The following TMEM65 variants were observed in gnomAD, a reference collection of about 807,000 sequenced individuals.
TMEM65 encodes transmembrane protein 65.
TMEM65 carries 22 observed loss-of-function variants against 25.4 expected under a neutral mutation model. The ratio of observed to expected loss-of-function variants is 0.86; its 90% CI spans 0.62 to 1.23. The LOEUF is 1.23. Ranked by LOEUF, TMEM65 falls within the 50% of genes most tolerant of loss-of-function variation. The pLI is 0.00. For synonymous variants in TMEM65, 132 were observed against 126.2 expected (o/e 1.05, Z -0.31); for missense variants, 262 against 308.2 (o/e 0.85, Z 1.12).
At chr8:124,360,422 T>A (rs1814844333) in intron 1 of TMEM65, among the ~76,000 whole-genome samples, 1 of 119,518 alleles carries the variant, frequency 8.4e-6, no homozygotes, top group African/African-American at 3.5e-5. Flanking sequence ...AGAGGGAGAC[T>A]CTGTCACAAA....
chr8:124,314,467 G>A (rs1424802542), intron 6 of TMEM65, among the ~76,000 whole-genome samples: 2 of 152,106 alleles, frequency 1.3e-5, no homozygotes, highest in Non-Finnish European at 1.5e-5. Context: ...CCAATGATTT[G>A]TTTAAAAGTC....
chr8:124,315,292 T>C (rs780675863), intron 6 of TMEM65, among the ~76,000 whole-genome samples: 4 of 150,106 alleles, frequency 2.7e-5, no homozygotes, highest in Non-Finnish European at 3.0e-5. Context: ...ATACATTGTC[T>C]ATTTAGCTAT....
intron 2 of TMEM65, among the ~76,000 whole-genome samples, chr8:124,328,652 T>C (rs1814396017): frequency 6.6e-6 from 1 of 152,104 alleles, no homozygotes; most frequent in Non-Finnish European, 1.5e-5. Flanking sequence ...TTCTAATTAA[T>C]CTATAAAATT....
intron 1 of TMEM65, among the ~76,000 whole-genome samples, chr8:124,354,903 G>A (rs534766848): frequency 1.3e-5 from 2 of 152,166 alleles, no homozygotes; most frequent in African/African-American, 4.8e-5. Flanking sequence ...TTTAGGAGAG[G>A]AGAAAAAAAG....
Position 124,372,250 on chromosome 8 carries a change from G to A in TMEM65, c.-93C>T. ...AAGGAGCTGGGCTCAGCTCGACCCC[G>A]CCCCGAGGTCCTCCTGCCAGGCAGC... is the stretch of plus-strand genomic sequence containing the variant. On this transcript the variant is annotated 5_prime_UTR_variant, in exon 1 of 7. Transcript: ENST00000297632. 1 of 1,135,398 alleles carries A rather than the reference G, an allele frequency of 8.8e-7. No individual in the cohort carries two copies. The highest frequency in any genetic ancestry group is 1.1e-6 in the Non-Finnish European group (1 of 915,580). 70.3% of individuals were successfully genotyped at this position (1,135,398 alleles called of 1,614,324 possible).
intron 1 of TMEM65, 64 bp from the exon 2 acceptor site, chr8:124,330,856 A>C: frequency 7.2e-7 from 1 of 1,389,590 alleles, no homozygotes; most frequent in South Asian, 1.3e-5. Flanking sequence ...TTTTTATTAC[A>C]ATGAAGAAAA....
chr8:124,337,457 A>G (rs887289937), intron 1 of TMEM65, among the ~76,000 whole-genome samples: 1 of 152,038 alleles, frequency 6.6e-6, no homozygotes, highest in Non-Finnish European at 1.5e-5. Context: ...ACCAACATCC[A>G]AACTTCTTTA....
At chr8:124,336,466 C>T (rs1022196878) in intron 1 of TMEM65, among the ~76,000 whole-genome samples, 2 of 151,906 alleles carry the variant, frequency 1.3e-5, no homozygotes, top group South Asian at 4.1e-4. Context: ...ATCCACAAAA[C>T]ATGTTAATAA....
At chr8:124,334,763 C>CAAA (rs34202764) in intron 1 of TMEM65, among the ~76,000 whole-genome samples, 14 of 86,008 alleles carry the variant, frequency 1.6e-4, no homozygotes, top group East Asian at 3.1e-4. Flanking sequence ...GACTCCGTCT[C>CAAA]AAAAAAAAAA....
intron 6 of TMEM65, among the ~76,000 whole-genome samples, 164 bp from the exon 7 acceptor site, chr8:124,314,225 T>C (rs1296879001): frequency 6.6e-6 from 1 of 152,226 alleles, no homozygotes; most frequent in East Asian, 1.9e-4. Context: ...TATGTAGATA[T>C]AATCATTATG....
chr8:124,358,161 G>T (rs1404557307), intron 1 of TMEM65, among the ~76,000 whole-genome samples: 1 of 152,026 alleles, frequency 6.6e-6, no homozygotes, highest in African/African-American at 2.4e-5. Context: ...CTGACACACT[G>T]GTTGAAGGAT....
At chr8:124,328,965 G>A (rs538025485) in intron 2 of TMEM65, among the ~76,000 whole-genome samples, 19 of 151,690 alleles carry the variant, frequency 1.3e-4, no homozygotes, top group African/African-American at 4.3e-4. Flanking sequence ...CTAAGACCAC[G>A]GGACAATACT....
intron 1 of TMEM65, among the ~76,000 whole-genome samples, chr8:124,346,766 C>T (rs2131216523): frequency 6.6e-6 from 1 of 152,240 alleles, no homozygotes; most frequent in African/African-American, 2.4e-5. Flanking sequence ...CAACACAAAT[C>T]ACAGTCTGGC....
intron 1 of TMEM65, among the ~76,000 whole-genome samples, chr8:124,347,525 C>A (rs1227285399): frequency 2.0e-5 from 3 of 152,148 alleles, no homozygotes; most frequent in African/African-American, 4.8e-5. Context: ...AAAGCCCAGA[C>A]CTCATCACTA....
At chr8:124,339,834 A>G (rs1383030908) in intron 1 of TMEM65, among the ~76,000 whole-genome samples, 1 of 151,320 alleles carries the variant, frequency 6.6e-6, no homozygotes, top group Non-Finnish European at 1.5e-5. Flanking sequence ...GAGAAAAATT[A>G]CAGGCCCAGA....
chr8:124,357,167 T>C (rs1352760986), intron 1 of TMEM65, among the ~76,000 whole-genome samples: 1 of 152,046 alleles, frequency 6.6e-6, no homozygotes, highest in Non-Finnish European at 1.5e-5. Flanking sequence ...CAGCATTTTC[T>C]CCTGGGATCT....
chr8:124,371,850 T>A lies in TMEM65; in HGVS notation c.304+4A>T. On this transcript the variant is annotated splice_donor_region_variant and intron_variant, in intron 1 of 6. Coordinates refer to ENST00000297632, the MANE Select transcript of TMEM65 (RefSeq NM_194291.3). ...CGGGCTCGCCCCCCACCTGCCCCCC[T>A]TACCTTGGGCAATGGCAATAGACTC... 2 of 1,521,886 alleles carry A rather than the reference T, an allele frequency of 1.3e-6. No homozygotes were observed. The highest frequency in any genetic ancestry group is 8.8e-7 in the Non-Finnish European group (1 of 1,140,162). 94.3% of individuals were successfully genotyped at this position (1,521,886 alleles called of 1,614,324 possible). A position where few individuals can be genotyped will look rare whatever the true frequency, so the allele number is the denominator to read the frequency against.
intron 1 of TMEM65, among the ~76,000 whole-genome samples, chr8:124,336,498 T>C (rs903546829): frequency 1.3e-5 from 2 of 151,994 alleles, no homozygotes; most frequent in East Asian, 1.9e-4. Context: ...ATCATAAATA[T>C]GTTCTCTGAC....
chr8:124,321,229 G>A (rs1401645029), intron 5 of TMEM65, among the ~76,000 whole-genome samples: 2 of 152,088 alleles, frequency 1.3e-5, no homozygotes, highest in African/African-American at 4.8e-5. Flanking sequence ...AATATAAAAG[G>A]TTAAGGTTAG....
Sources: allele counts gnomAD v4.1 joint callset (sites outside exome capture counted in the v4.1 genomes callset), GRCh38; gene constraint gnomAD v4.1.1; transcripts MANE v1.5; gene names NCBI Gene and HGNC (gene_info 2026-07-23, HGNC 2026-07-21).